Variants in TPM4 observed in about 807,000 individuals in gnomAD.
TPM4 encodes tropomyosin 4.
A neutral mutation model predicts 35.8 loss-of-function variants in TPM4; 17 were observed. The ratio of observed to expected loss-of-function variants is 0.47; its 90% CI spans 0.32 to 0.71. The LOEUF is 0.71. Ranked by LOEUF, TPM4 falls within the 30% of genes least tolerant of loss-of-function variation. TPM4 has a pLI of 0.03. For synonymous variants in TPM4, 120 were observed against 122.9 expected, an observed-to-expected ratio of 0.98 and a Z score of 0.15; for missense variants, 240 against 320.9, an observed-to-expected ratio of 0.75 and a Z score of 1.93.
rs2090775320 is a variant in TPM4, at chr19:16,102,765, G to T, written c.*1419G>T. 1 of 230,782 alleles carries T rather than the reference G, an allele frequency of 4.3e-6. No homozygotes were observed. Among genetic ancestry groups the T allele is most frequent in the Admixed American group, 5.7e-5 (1 of 17,692 alleles). The allele number at this position is 230,782 out of a possible 1,614,324, so 14.3% of individuals were successfully genotyped here. A position where few individuals can be genotyped will look rare whatever the true frequency, so the allele number is the denominator to read the frequency against. On this transcript the variant is annotated 3_prime_UTR_variant, in exon 8 of 8. Transcript: ENST00000643579. ...ATTCCACATTCCCCAGCAGCGTGTG[G>T]GGGCTGACTAAAGTTTACAATTCCA...
chr19:16,076,610 G>C lies in TPM4; in HGVS notation c.45G>C (p.Gln15His). 2 of 1,467,858 alleles carry C rather than the reference G, an allele frequency of 1.4e-6. No individual in the cohort carries two copies. The highest frequency in any genetic ancestry group is 2.6e-5 in the South Asian group (2 of 77,756). The allele number at this position is 1,467,858 out of a possible 1,614,324, so 90.9% of individuals were successfully genotyped here. A position where few individuals can be genotyped will look rare whatever the true frequency, so the allele number is the denominator to read the frequency against. ...TGGAGGCGGTGAAACGCAAGATCCA[G>C]GCCCTGCAGCAGCAGGCGGACGAGG... ...NSLEAVKRKI[Q>H]ALQQQADEAE... Residue 15 changes from glutamine (Q) to histidine (H), a missense_variant, in exon 1 of 8, where the codon CAG (glutamine) becomes CAC (histidine). Transcript: ENST00000643579.
chr19:16,083,525 G>A (rs939136517), intron 2 of TPM4, among the ~76,000 whole-genome samples: 20 of 152,170 alleles, frequency 1.3e-4, no homozygotes, highest in South Asian at 4.1e-4. Context: ...CCTTCTCCTC[G>A]GTAGCCAGAT....
chr19:16,079,343 A>G (rs1430208460), intron 1 of TPM4, among the ~76,000 whole-genome samples: 1 of 152,182 alleles, frequency 6.6e-6, no homozygotes, highest in Non-Finnish European at 1.5e-5. Context: ...CTGGAATTCG[A>G]TAATGGTGTT....
chr19:16,086,060 C>T (rs1436445564), intron 2 of TPM4, among the ~76,000 whole-genome samples: 1 of 132,838 alleles, frequency 7.5e-6, no homozygotes, highest in Non-Finnish European at 1.6e-5. Flanking sequence ...CAGAGCGAGA[C>T]TCCATCTCAA....
At position 16,067,593 on chromosome 19, in the gene TPM4, G is replaced by A. The variant is rs2090309585; in HGVS notation, c.-32G>A. The stretch of plus-strand genomic sequence containing the variant: ...CCGCAGCCCCCACAGAGCCCGCCGC[G>A]CACCCCACGTCCCCCACGCCAGCGC... On this transcript the variant is annotated 5_prime_UTR_variant, in exon 2 of 3. Transcript: ENST00000589897. This position sits in a 1 kb window ranked among gnomAD's most constrained non-coding sequence, Gnocchi z 4.1. 5 of 1,597,152 alleles carry A rather than the reference G, an allele frequency of 3.1e-6. No individual in the cohort carries two copies. Among genetic ancestry groups the A allele is most frequent in the Non-Finnish European group, 2.6e-6 (3 of 1,169,434 alleles).
At chr19:16,075,913 T>A, upstream of TPM4, 1 of 1,304,414 alleles carries the variant, frequency 7.7e-7, no homozygotes, top group Non-Finnish European at 1.0e-6. Flanking sequence ...TCGCAACCCC[T>A]GTTCTACAGA....
intron 2 of TPM4, among the ~76,000 whole-genome samples, chr19:16,071,366 T>C (rs1386622566): frequency 1.3e-5 from 2 of 152,002 alleles, no homozygotes; most frequent in Admixed American, 6.5e-5. Flanking sequence ...ATTTTATTTT[T>C]AGTAGAGACA....
rs771634252 is a variant in TPM4 at position 16,067,737 on chromosome 19, A to AG, written c.114+1dup. On this transcript the variant is annotated frameshift_variant and splice_region_variant, in exon 2 of 3. Coordinates refer to the TPM4 transcript ENST00000589897. LOFTEE classifies it high-confidence loss of function. The surrounding 1 kb of genome is among the most constrained non-coding windows in gnomAD (Gnocchi z 4.1). ...AAAGCCGCTGAGGACAAGTGCAAGC[A>AG]GGTGAGGTGCCCTCCGCTGGGCCGC... 6 of 1,611,722 alleles carry AG rather than the reference A, an allele frequency of 3.7e-6. No homozygotes were observed. The highest frequency in any genetic ancestry group is 5.1e-6 in the Non-Finnish European group (6 of 1,179,438).
chr19:16,068,159 T>C (rs1377970669), intron 2 of TPM4, among the ~76,000 whole-genome samples: 1 of 134,238 alleles, frequency 7.4e-6, no homozygotes, highest in Non-Finnish European at 1.6e-5. Context: ...GGTGTGTGTG[T>C]GCATGTGTGC....
intron 2 of TPM4, 120 bp downstream of exon 2, chr19:16,082,166 C>A: frequency 7.6e-7 from 1 of 1,318,410 alleles, no homozygotes; most frequent in Admixed American, 2.5e-5. Context: ...CATGTGTCCA[C>A]AAAAAAGTGC....
In TPM4 at chr19:16,068,376, A is replaced by G. The variant is rs1022528267; in HGVS notation, c.114+638A>G. Among the ~76,000 whole-genome samples the G allele has an allele frequency of 3.9e-5, 6 of 152,140 alleles. No homozygotes were observed. In the South Asian group the frequency reaches 1.2e-3, roughly 31 times the overall value. ...TTTTTAGTAGAGACCGGATTTCGCC[A>G]TGTTGGCCGGACTGGTCTCAAACTC... On this transcript the variant is annotated intron_variant, in intron 2 of 2. Coordinates refer to the TPM4 transcript ENST00000589897.
chr19:16,098,990 A>G (rs1002790859), intron 7 of TPM4, among the ~76,000 whole-genome samples: 52 of 152,170 alleles, frequency 3.4e-4, no homozygotes, highest in African/African-American at 1.2e-3. Flanking sequence ...GCATTCAGTT[A>G]ACATCTATTC....
intron 5 of TPM4, among the ~76,000 whole-genome samples, chr19:16,090,311 A>C: frequency 7.0e-6 from 1 of 142,826 alleles, no homozygotes; most frequent in African/African-American, 2.7e-5. Context: ...TTTATAGAGC[A>C]CAGTCTATGT....
At chr19:16,088,813 C>T in intron 4 of TPM4, 1 of 1,305,160 alleles carries the variant, frequency 7.7e-7, no homozygotes, top group Non-Finnish European at 9.8e-7. Flanking sequence ...TTTCCAAGCC[C>T]TCCAAATACT....
Position 16,070,016 on chromosome 19 carries a change from C to T in TPM4, c.114+2278C>T, listed in dbSNP as rs1599356457. Among the ~76,000 whole-genome samples the T allele has an allele frequency of 6.6e-6, 1 of 151,988 alleles. No individual in the cohort carries two copies. Among genetic ancestry groups the T allele is most frequent in the Non-Finnish European group, 1.5e-5 (1 of 67,970 alleles). ...TGTGTGTGTGTGTGTGGTGGGGGCCCAGGGCTGTGACCTGCTGCAGGGGTG... is the reference window on the plus strand; with the variant it reads ...TGTGTGTGTGTGTGTGGTGGGGGCCTAGGGCTGTGACCTGCTGCAGGGGTG... On this transcript the variant is annotated intron_variant, in intron 2 of 2. Transcript: ENST00000589897. The surrounding 1 kb of genome is among the most constrained non-coding windows in gnomAD (Gnocchi z 7.4).
chr19:16,091,419 T>C (rs2090625136), intron 5 of TPM4, among the ~76,000 whole-genome samples: 1 of 152,068 alleles, frequency 6.6e-6, no homozygotes, highest in Non-Finnish European at 1.5e-5. Context: ...ACAGAGTGCT[T>C]TGGGAATACA....
intron 1 of TPM4, chr19:16,079,859 C>A (rs532372290): frequency 8.2e-4 from 145 of 176,198 alleles, no homozygotes; most frequent in Middle Eastern, 4.4e-3. Context: ...GCCCCCACAC[C>A]CAACTGATTT....
At chr19:16,076,491 G>A (rs541651340), upstream of TPM4, 553 of 1,340,302 alleles carry the variant, frequency 4.1e-4, 2 homozygotes, top group African/African-American at 7.4e-3. Context: ...GCCGGGGCGC[G>A]GCTGTGCAGC....
At chr19:16,096,936 C>CTTTTTTTTTTTTTTTTT (rs71178641) in intron 7 of TPM4, among the ~76,000 whole-genome samples, 2 of 69,050 alleles carry the variant, frequency 2.9e-5, no homozygotes, top group African/African-American at 5.6e-5. Flanking sequence ...CAAGGTCACT[C>CTTTTTTTTTTTTTTTTT]TTTTTTTTTT....
Sources: allele counts gnomAD v4.1 joint callset (sites outside exome capture counted in the v4.1 genomes callset), GRCh38; gene constraint gnomAD v4.1.1; non-coding constraint Gnocchi (gnomAD v3.1); transcripts MANE v1.5; gene names NCBI Gene and HGNC (gene_info 2026-07-23, HGNC 2026-07-21).